The following GOLM1 variants were observed in gnomAD, a reference collection of about 807,000 sequenced individuals.
GOLM1 encodes the protein golgi membrane protein 1, also known as epididymis luminal protein 46.
Under a neutral mutation model 50.5 loss-of-function variants are expected in GOLM1, and 31 were observed. The observed-to-expected ratio is 0.61, with a 90% CI of 0.46 to 0.83. The LOEUF (loss-of-function observed/expected upper bound fraction) is 0.83, where lower values mean the gene tolerates loss of function less well. Among genes scored for constraint, GOLM1 ranks in the 40% least tolerant of loss-of-function variants. The pLI is 0.00. For synonymous variants in GOLM1, 178 were observed against 192.8 expected, an observed-to-expected ratio of 0.92 and a Z score of 0.64; for missense variants, 491 against 501.3, an observed-to-expected ratio of 0.98 and a Z score of 0.20.
chr9:86,096,418 C>T (rs1460979687), intron 1 of GOLM1, among the ~76,000 whole-genome samples: 1 of 152,194 alleles, frequency 6.6e-6, no homozygotes, highest in African/African-American at 2.4e-5. Context: ...GTTGCCAACT[C>T]CTGCTGTAGT....
At chr9:86,029,089 C>T (rs916085476) in intron 9 of GOLM1, among the ~76,000 whole-genome samples, 1 of 151,982 alleles carries the variant, frequency 6.6e-6, no homozygotes, top group Non-Finnish European at 1.5e-5. Context: ...GATCTCCTGA[C>T]CTCGTGATCC....
At chr9:86,051,450 T>C (rs896907868) in intron 4 of GOLM1, among the ~76,000 whole-genome samples, 4 of 152,186 alleles carry the variant, frequency 2.6e-5, no homozygotes, top group African/African-American at 9.7e-5. Flanking sequence ...ATCTGTCTAC[T>C]GTTGACAGTG....
chr9:86,065,527 G>A (rs1307810508), intron 3 of GOLM1, among the ~76,000 whole-genome samples: 2 of 152,196 alleles, frequency 1.3e-5, no homozygotes, highest in East Asian at 1.9e-4. Context: ...CTGGCCCAGA[G>A]AGAAGACACC....
At chr9:86,067,453 G>A (rs1343578834) in intron 3 of GOLM1, among the ~76,000 whole-genome samples, 2 of 152,184 alleles carry the variant, frequency 1.3e-5, no homozygotes, top group African/African-American at 2.4e-5. Context: ...TGGTGGTTGC[G>A]TGAAGATTAT....
chr9:86,056,499 T>C (rs1355040394), intron 3 of GOLM1, among the ~76,000 whole-genome samples: 2 of 83,696 alleles, frequency 2.4e-5, no homozygotes, highest in African/African-American at 1.3e-4. Flanking sequence ...TTATTTTTTA[T>C]TTAAATTTTT....
At chr9:86,052,477 A>G in intron 4 of GOLM1, 60 bp downstream of exon 4, 1 of 1,434,676 alleles carries the variant, frequency 7.0e-7, no homozygotes, top group South Asian at 1.1e-5. Flanking sequence ...AGAGAAGGAG[A>G]GAAAGGGAGT....
At chr9:86,043,548 T>C (rs967978032) in intron 5 of GOLM1, among the ~76,000 whole-genome samples, 1 of 152,200 alleles carries the variant, frequency 6.6e-6, no homozygotes, top group African/African-American at 2.4e-5. Context: ...TCAGATTCTC[T>C]AAAAGGGCCT....
chr9:86,053,346 AACT>A (rs1833839675), intron 3 of GOLM1, among the ~76,000 whole-genome samples: 1 of 113,702 alleles, frequency 8.8e-6, no homozygotes, highest in Non-Finnish European at 1.8e-5. Flanking sequence ...ACCACGCCAC[AACT>A]CCACACCACG....
At chr9:86,073,042 C>A (rs1362193397) in intron 3 of GOLM1, among the ~76,000 whole-genome samples, 4 of 152,222 alleles carry the variant, frequency 2.6e-5, no homozygotes, top group African/African-American at 9.6e-5. Flanking sequence ...CTGCATACAT[C>A]TTAATTACAA....
chr9:86,052,390 G>A, intron 4 of GOLM1, 147 bp downstream of exon 4: 6 of 710,430 alleles, frequency 8.4e-6, no homozygotes, highest in Non-Finnish European at 1.5e-5. Flanking sequence ...GATAGACTTA[G>A]GCAAAAAGAA....
intron 5 of GOLM1, among the ~76,000 whole-genome samples, chr9:86,042,832 T>G (rs2118683027): frequency 6.6e-6 from 1 of 152,298 alleles, no homozygotes; most frequent in Middle Eastern, 3.4e-3. Context: ...TGTTCCAACT[T>G]GAGAGCCAGG....
intron 1 of GOLM1, among the ~76,000 whole-genome samples, chr9:86,085,285 G>A (rs1834918714): frequency 6.6e-6 from 1 of 152,064 alleles, no homozygotes; most frequent in Admixed American, 6.6e-5. Flanking sequence ...TTGGTGAAAT[G>A]CCTTTTCATA....
Position 86,027,896 on chromosome 9 carries a change from A to G in GOLM1, c.1130-3T>C, listed in dbSNP as rs1832834862. 6.5e-7 allele frequency: 1 copy of G among 1,538,976 alleles called. No individual in the cohort carries two copies. Among genetic ancestry groups the G allele is most frequent in the African/African-American group, 1.4e-5 (1 of 73,558 alleles). On this transcript the variant is annotated splice_polypyrimidine_tract_variant and splice_region_variant and intron_variant, in intron 9 of 9. Transcript: ENST00000388712. ...TTTCTGATCTTCAACATTAAAAACTAAAAAGGAAAAACACATAATATTCTA... is the reference window on the plus strand; with the variant it reads ...TTTCTGATCTTCAACATTAAAAACTGAAAAGGAAAAACACATAATATTCTA...
At chr9:86,053,289 C>T (rs1188840998) in intron 3 of GOLM1, among the ~76,000 whole-genome samples, 2 of 143,382 alleles carry the variant, frequency 1.4e-5, no homozygotes, top group Non-Finnish European at 3.0e-5. Context: ...CACACCATTC[C>T]ACACCACACA....
intron 3 of GOLM1, among the ~76,000 whole-genome samples, chr9:86,070,223 C>CAA (rs1834409016): frequency 4.6e-5 from 7 of 152,288 alleles, no homozygotes; most frequent in African/African-American, 9.6e-5. Context: ...AACAAAACTG[C>CAA]AACTGCTTTA....
intron 6 of GOLM1, among the ~76,000 whole-genome samples, chr9:86,040,420 C>G (rs1483205210): frequency 2.0e-5 from 3 of 152,190 alleles, no homozygotes; most frequent in African/African-American, 7.2e-5. Flanking sequence ...GGTGGTGTGA[C>G]ACTGGCCACA....
chr9:86,074,582 G>A (rs79774466), intron 3 of GOLM1, among the ~76,000 whole-genome samples: 38 of 152,176 alleles, frequency 2.5e-4, no homozygotes, highest in Admixed American at 1.1e-3. Context: ...CAGTGTGCAG[G>A]GGTGGAGGCT....
chr9:86,074,734 C>T lies in GOLM1; in HGVS notation c.309+2678G>A, dbSNP rs539334393. ...GAAACAGTCCCTGTGAAATGCTCAG[C>T]CTCACGTCTGGCCAAGCACAGGCTC... On this transcript the variant is annotated intron_variant, in intron 3 of 9. Transcript: ENST00000388712. Among the ~76,000 whole-genome samples, 10 of 152,322 alleles carry T rather than the reference C, an allele frequency of 6.6e-5. No individual in the cohort carries two copies. The South Asian group carries it at 2.1e-3, about 32-fold the overall frequency.
chr9:86,077,164 A>G (rs1834642955), intron 3 of GOLM1, among the ~76,000 whole-genome samples: 1 of 151,994 alleles, frequency 6.6e-6, no homozygotes, highest in African/African-American at 2.4e-5. Context: ...AGCCAATAGG[A>G]GGATGAATCT....
Sources: allele counts gnomAD v4.1 joint callset (sites outside exome capture counted in the v4.1 genomes callset), GRCh38; gene constraint gnomAD v4.1.1; transcripts MANE v1.5; gene names NCBI Gene and HGNC (gene_info 2026-07-23, HGNC 2026-07-21).